The following HIF1A variants were observed in gnomAD, a reference collection of about 807,000 sequenced individuals.
HIF1A encodes hypoxia-inducible factor 1-alpha.
A neutral mutation model predicts 92.7 loss-of-function variants in HIF1A; 24 were observed. That is an observed-to-expected ratio of 0.26 (90% CI 0.19 to 0.36). The LOEUF (loss-of-function observed/expected upper bound fraction) is 0.36. Ranked by LOEUF, HIF1A falls within the 10% of genes least tolerant of loss-of-function variation. The pLI is 1.00. For missense variants in HIF1A, 799 were observed against 998.5 expected (o/e 0.80, Z 2.69); for synonymous variants, 319 against 338.7 (o/e 0.94, Z 0.64).
chr14:61,732,872 A>G (rs986275111), intron 7 of HIF1A, among the ~76,000 whole-genome samples: 2 of 152,210 alleles, frequency 1.3e-5, no homozygotes, highest in Non-Finnish European at 1.5e-5. Context: ...TGTACAATCA[A>G]TGAATGTGAA....
At chr14:61,707,859 C>T (rs1405454160) in intron 1 of HIF1A, among the ~76,000 whole-genome samples, 1 of 151,782 alleles carries the variant, frequency 6.6e-6, no homozygotes, top group South Asian at 2.1e-4. Flanking sequence ...ATTTCTAGTT[C>T]TAGATCCCTG....
intron 1 of HIF1A, among the ~76,000 whole-genome samples, chr14:61,707,582 T>C (rs1228414433): frequency 2.0e-5 from 3 of 151,984 alleles, no homozygotes; most frequent in Admixed American, 2.0e-4. Flanking sequence ...TTGCGATAGT[T>C]TGCTGAGAAT....
intron 12 of HIF1A, among the ~76,000 whole-genome samples, chr14:61,743,771 A>G (rs934110778): frequency 1.3e-5 from 2 of 152,216 alleles, no homozygotes; most frequent in Non-Finnish European, 2.9e-5. Flanking sequence ...TCACAATTTA[A>G]TATTAATTTT....
At chr14:61,726,867 A>G (rs775698490) in intron 5 of HIF1A, 49 bp downstream of exon 5, 1 of 1,016,602 alleles carries the variant, frequency 9.8e-7, no homozygotes, top group African/African-American at 1.6e-5. Flanking sequence ...TTATACATAG[A>G]CATTGTAGTA....
rs752454260 is a variant in HIF1A at position 61,737,108 on chromosome 14, C to T, written c.1248C>T (p.Asn416=). ...DTIISLDFGS[N]DTETDDQQLE... ...TCATATCTTTAGATTTTGGCAGCAA[C>T]GGTGAGTAGTTATTTTTGTTAATCC... The change falls in exon 9 of 15, where the codon AAC becomes AAT. Residue 416 remains asparagine, a splice_region_variant and synonymous_variant. Transcript: ENST00000337138. 5.6e-6 allele frequency: 9 copies of T among 1,610,376 alleles called. No individual in the cohort carries two copies. In the African/African-American group the frequency reaches 6.7e-5, roughly 12 times the overall value.
Position 61,721,498 on chromosome 14 carries a change from G to A in HIF1A, c.227-11G>A. 6 of 1,605,062 alleles carry A rather than the reference G, an allele frequency of 3.7e-6. No homozygotes were observed. The highest frequency in any genetic ancestry group is 1.1e-5 in the South Asian group (1 of 90,096). ...TAACTAATTATTTTCCTCTTCTTGT[G>A]CCCTTTTTAGGTGATTTGGATATTG... On this transcript the variant is annotated splice_polypyrimidine_tract_variant and intron_variant, in intron 2 of 14. Transcript: ENST00000337138.
chr14:61,710,016 T>C (rs562952897), intron 1 of HIF1A, among the ~76,000 whole-genome samples: 1 of 150,802 alleles, frequency 6.6e-6, no homozygotes, highest in South Asian at 2.1e-4. Context: ...TGTATATCAC[T>C]GTATTCTGGT....
At chr14:61,701,253 T>G (rs1421619696) in intron 1 of HIF1A, among the ~76,000 whole-genome samples, 1 of 152,224 alleles carries the variant, frequency 6.6e-6, no homozygotes, top group Non-Finnish European at 1.5e-5. Flanking sequence ...GGTTACAGTT[T>G]TAACCATAAA....
intron 1 of HIF1A, among the ~76,000 whole-genome samples, chr14:61,702,266 A>G (rs1566559367): frequency 1.8e-5 from 2 of 110,252 alleles, no homozygotes; most frequent in South Asian, 6.4e-4. Context: ...CGTCTCTACT[A>G]AAAATACAAA....
intron 4 of HIF1A, among the ~76,000 whole-genome samples, chr14:61,722,838 A>G (rs1318363355): frequency 6.6e-6 from 1 of 152,238 alleles, no homozygotes; most frequent in African/African-American, 2.4e-5. Flanking sequence ...AAGTGTTCCA[A>G]GATTTTTTGG....
At chr14:61,725,273 C>A (rs2044489467) in intron 4 of HIF1A, among the ~76,000 whole-genome samples, 2 of 152,158 alleles carry the variant, frequency 1.3e-5, no homozygotes, top group South Asian at 4.1e-4. Context: ...TTTTTAACTT[C>A]TTCAGGAAAG....
chr14:61,695,931 G>C (rs1357400527), intron 1 of HIF1A, 92 bp downstream of exon 1: 22 of 1,186,880 alleles, frequency 1.9e-5, no homozygotes, highest in Non-Finnish European at 2.5e-5. Flanking sequence ...GGCGTTAATG[G>C]GATTGGGGGG....
chr14:61,710,646 G>A (rs1555337313), intron 1 of HIF1A, among the ~76,000 whole-genome samples: 1 of 152,038 alleles, frequency 6.6e-6, no homozygotes. Context: ...AAAATTACAT[G>A]TGATGTTTTA....
intron 7 of HIF1A, among the ~76,000 whole-genome samples, chr14:61,733,459 G>C (rs2044599998): frequency 6.6e-6 from 1 of 152,176 alleles, no homozygotes; most frequent in Non-Finnish European, 1.5e-5. Flanking sequence ...TGAATGTTAA[G>C]ATCCCCAAGA....
chr14:61,713,641 C>T (rs1410730303), intron 1 of HIF1A, among the ~76,000 whole-genome samples: 5 of 148,338 alleles, frequency 3.4e-5, no homozygotes, highest in Admixed American at 2.7e-4. Flanking sequence ...TGCATCCTTT[C>T]TCCCATACCT....
At chr14:61,742,926 G>GC (rs979262306) in intron 12 of HIF1A, among the ~76,000 whole-genome samples, 23 of 143,336 alleles carry the variant, frequency 1.6e-4, no homozygotes, top group African/African-American at 5.6e-4. Context: ...ACTGACAGAT[G>GC]CATGAATACA....
intron 1 of HIF1A, among the ~76,000 whole-genome samples, chr14:61,716,549 G>A (rs542697708): frequency 3.3e-5 from 5 of 152,088 alleles, no homozygotes; most frequent in African/African-American, 1.2e-4. Context: ...GGCTTTTTGT[G>A]CAATACGAAA....
At chr14:61,746,840 C>A in intron 14 of HIF1A, 94 bp from the exon 15 acceptor site, 2 of 1,020,214 alleles carry the variant, frequency 2.0e-6, no homozygotes, top group Non-Finnish European at 2.8e-6. Context: ...CAGAATTTTG[C>A]TTTATTTTCT....
At chr14:61,716,422 A>C (rs188931205) in intron 1 of HIF1A, among the ~76,000 whole-genome samples, 7 of 152,352 alleles carry the variant, frequency 4.6e-5, no homozygotes, top group Admixed American at 3.3e-4. Context: ...CAAATAACAT[A>C]ATTGAGGTAC....
Sources: gnomAD v4.1 joint callset for allele counts (sites outside exome capture counted in the v4.1 genomes callset) on GRCh38, gnomAD v4.1.1 for gene constraint, MANE v1.5 for transcripts, NCBI Gene and HGNC (gene_info 2026-07-23, HGNC 2026-07-21) for gene names.